Variants in ARFGAP3 observed in about 807,000 individuals in gnomAD.
ARFGAP3 encodes the protein ARF GTPase activating protein 3.
Under a neutral mutation model 75.0 loss-of-function variants are expected in ARFGAP3, and 72 were observed. The observed-to-expected ratio is 0.96, with a 90% confidence interval of 0.79 to 1.17. The LOEUF (loss-of-function observed/expected upper bound fraction) is 1.17, where lower values mean the gene tolerates loss of function less well. Ranked by LOEUF, ARFGAP3 falls within the 50% of genes most tolerant of loss-of-function variation. ARFGAP3 has a pLI of 0.00. For missense variants in ARFGAP3, 620 were observed against 626.6 expected, an observed-to-expected ratio of 0.99 and a Z score of 0.11; for synonymous variants, 221 against 217.9, an observed-to-expected ratio of 1.01 and a Z score of -0.13.
At chr22:42,851,931 T>G (rs1358747728) in intron 1 of ARFGAP3, among the ~76,000 whole-genome samples, 3 of 152,218 alleles carry the variant, frequency 2.0e-5, no homozygotes, top group African/African-American at 4.8e-5. Flanking sequence ...AGTAGGGTAC[T>G]AGTAGAAGGT....
Position 42,857,158 on chromosome 22 carries a change from T to C in ARFGAP3, c.25A>G (p.Ile9Val). The C allele has an allele frequency of 6.6e-7, 1 of 1,516,010 alleles. No homozygotes were observed. Among genetic ancestry groups the C allele is most frequent in the Non-Finnish European group, 8.9e-7 (1 of 1,129,744 alleles). 93.9% of individuals were successfully genotyped at this position (1,516,010 alleles called of 1,614,324 possible). MGDPSKQD[I>V]LTIFKRLRSV... is the part of the protein sequence containing the mutation. Reference sequence around the variant, plus strand: ...CGGAGGCGCTTGAAGATGGTCAAGATGTCCTGCTTGCTGGGGTCCCCCATC... The same window carrying C: ...CGGAGGCGCTTGAAGATGGTCAAGACGTCCTGCTTGCTGGGGTCCCCCATC... Residue 9 changes from isoleucine (I) to valine (V), a missense_variant, in exon 1 of 16, where the codon ATC becomes GTC. By Grantham distance (29) the Ile-to-Val change is conservative (BLOSUM62 3). Coordinates refer to ENST00000263245, the MANE Select transcript of ARFGAP3 (RefSeq NM_014570.5).
intron 10 of ARFGAP3, 69 bp from the exon 11 acceptor site, chr22:42,817,333 CTTTAA>C (rs2146541508): frequency 3.3e-6 from 5 of 1,516,318 alleles, no homozygotes; most frequent in East Asian, 4.7e-5. Flanking sequence ...ATAAACAAAG[CTTTAA>C]TTTATGTTTT....
At chr22:42,844,128 G>A (rs1293165924) in intron 2 of ARFGAP3, among the ~76,000 whole-genome samples, 1 of 152,206 alleles carries the variant, frequency 6.6e-6, no homozygotes, top group African/African-American at 2.4e-5. Flanking sequence ...CTAGAGGAGA[G>A]ACTTTATATA....
chr22:42,809,731 C>T lies in ARFGAP3; in HGVS notation c.1197-841G>A, dbSNP rs145112205. Among the ~76,000 whole-genome samples the T allele has an allele frequency of 1.1e-3, 164 of 152,092 alleles. 1 individual carries two copies. In the East Asian group the frequency reaches 0.026, roughly 24 times the overall value. On this transcript the variant is annotated intron_variant, in intron 12 of 15. Coordinates refer to ENST00000263245, the MANE Select transcript of ARFGAP3 (RefSeq NM_014570.5). ...AAATTGGGGGAAAAAAGGCCGGGTG[C>T]GGTGGCTCACGCCTGTAATCCCAGC...
intron 15 of ARFGAP3, among the ~76,000 whole-genome samples, chr22:42,798,285 G>T (rs925132800): frequency 6.6e-6 from 1 of 152,194 alleles, no homozygotes; most frequent in African/African-American, 2.4e-5. Flanking sequence ...GCACCTCCAC[G>T]CCCTCCTTGA....
At chr22:42,831,793 T>C in intron 5 of ARFGAP3, 157 bp from the exon 6 acceptor site, 2 of 1,415,568 alleles carry the variant, frequency 1.4e-6, no homozygotes, top group Non-Finnish European at 1.8e-6. Context: ...TGCTTTCTTT[T>C]TTTTTTAGAA....
intron 15 of ARFGAP3, 30 bp from the exon 16 acceptor site, chr22:42,797,635 G>A (rs4393836): frequency 0.11 from 175,849 of 1,613,642 alleles, 20,448 homozygotes; most frequent in East Asian, 0.56. Context: ...GGAAGTTCAC[G>A]ACCATTCAGC....
intron 2 of ARFGAP3, among the ~76,000 whole-genome samples, chr22:42,844,743 C>T (rs1926938048): frequency 6.6e-6 from 1 of 152,118 alleles, no homozygotes; most frequent in East Asian, 1.9e-4. Context: ...AAGAATAGCT[C>T]TTCTCTGCCT....
chr22:42,837,159 G>A (rs1003910748), intron 3 of ARFGAP3, among the ~76,000 whole-genome samples: 1 of 152,170 alleles, frequency 6.6e-6, no homozygotes, highest in African/African-American at 2.4e-5. Context: ...AATGGGCAAA[G>A]GTTTCTAAAA....
At chr22:42,798,045 C>T (rs942513902) in intron 15 of ARFGAP3, among the ~76,000 whole-genome samples, 1 of 152,172 alleles carries the variant, frequency 6.6e-6, no homozygotes, top group Non-Finnish European at 1.5e-5. Flanking sequence ...ATTCCTTCAC[C>T]TGTAAAATGG....
Position 42,847,552 on chromosome 22 carries a change from C to T in ARFGAP3, c.150G>A (p.Gly50=), listed in dbSNP as rs1311458125. The stretch of plus-strand genomic sequence containing the variant: ...AGTGAACACCAAGTGACCGGTGGGA[C>T]CCTGAGCAATCAATGCAAAGGAACA... ...YGVFLCIDCS[G]SHRSLGVHLS... The change falls in exon 2 of 16, where the codon GGG becomes GGA. Residue 50 remains glycine (G), a synonymous_variant. Coordinates refer to ENST00000263245, the MANE Select transcript of ARFGAP3 (RefSeq NM_014570.5). 2 of 1,613,758 alleles carry T rather than the reference C, an allele frequency of 1.2e-6. 1 individual carries two copies. The highest frequency in any genetic ancestry group is 2.2e-5 in the South Asian group (2 of 91,036).
intron 2 of ARFGAP3, among the ~76,000 whole-genome samples, chr22:42,842,916 G>A (rs913958332): frequency 6.6e-6 from 1 of 152,020 alleles, no homozygotes; most frequent in African/African-American, 2.4e-5. Context: ...ATGTTCTAGG[G>A]CTCACTATGT....
intron 5 of ARFGAP3, among the ~76,000 whole-genome samples, chr22:42,833,839 C>A (rs1926402335): frequency 6.6e-6 from 1 of 152,178 alleles, no homozygotes; most frequent in Admixed American, 6.6e-5. Flanking sequence ...TCACTTGAAC[C>A]CAGGGGGCAG....
chr22:42,856,978 G>T, intron 1 of ARFGAP3, 136 bp downstream of exon 1: 1 of 848,134 alleles, frequency 1.2e-6, no homozygotes, highest in Non-Finnish European at 1.5e-6. Context: ...CGGCCAGGCT[G>T]CCGCGGCCCC....
Position 42,828,732 on chromosome 22 carries a change from C to T in ARFGAP3, c.566-1733G>A, listed in dbSNP as rs112819943. Reference sequence around the variant, plus strand: ...ACAGAGTCCTGTTCTGTTGCCCAGGCGGAGTGTAGTGGTGCGAACTCGGCT... The same window carrying T: ...ACAGAGTCCTGTTCTGTTGCCCAGGTGGAGTGTAGTGGTGCGAACTCGGCT... On this transcript the variant is annotated intron_variant, in intron 6 of 15. Transcript: ENST00000263245. Among the ~76,000 whole-genome samples, 860 of 131,022 alleles carry T rather than the reference C, an allele frequency of 6.6e-3. 5 individuals are homozygous for T. The highest frequency in any genetic ancestry group is 0.017 in the Admixed American group (196 of 11,412). 86.0% of individuals were successfully genotyped at this position (131,022 alleles called of 152,430 possible). A position where few individuals can be genotyped will look rare whatever the true frequency, so the allele number is the denominator to read the frequency against.
At chr22:42,841,865 CTTT>C (rs5845565) in intron 2 of ARFGAP3, among the ~76,000 whole-genome samples, 32 of 137,708 alleles carry the variant, frequency 2.3e-4, no homozygotes, top group Admixed American at 5.1e-4. Context: ...TTACTAATTT[CTTT>C]TTTTTTTTTT....
At chr22:42,810,291 C>A (rs577420296) in intron 12 of ARFGAP3, among the ~76,000 whole-genome samples, 1 of 151,968 alleles carries the variant, frequency 6.6e-6, no homozygotes, top group Non-Finnish European at 1.5e-5. Context: ...GGTGAGGCAA[C>A]CGTCTCTACT....
intron 7 of ARFGAP3, 104 bp from the exon 8 acceptor site, chr22:42,823,806 T>C (rs1181330315): frequency 8.2e-7 from 1 of 1,220,792 alleles, no homozygotes; most frequent in African/African-American, 1.6e-5. Flanking sequence ...ATTTAAGAGA[T>C]GATAACATTT....
chr22:42,855,209 C>A (rs911979942), intron 1 of ARFGAP3, among the ~76,000 whole-genome samples: 29 of 152,164 alleles, frequency 1.9e-4, no homozygotes, highest in African/African-American at 6.8e-4. Context: ...CTCTCAAAAG[C>A]CTCTTGATAT....
Sources: gnomAD v4.1 joint callset for allele counts (sites outside exome capture counted in the v4.1 genomes callset) on GRCh38, gnomAD v4.1.1 for gene constraint, MANE v1.5 for transcripts, NCBI Gene and HGNC (gene_info 2026-07-23, HGNC 2026-07-21) for gene names.